Variants in FLNA observed in about 807,000 individuals in gnomAD.
The protein encoded by FLNA is filamin-A.
Under a neutral mutation model 157.6 loss-of-function variants are expected in FLNA, and 7 were observed. The ratio of observed to expected loss-of-function variants is 0.04; its 90% CI spans 0.03 to 0.08. FLNA has a LOEUF of 0.08. FLNA is among the 10% of genes least tolerant of loss of function. The pLI is 1.00. For synonymous variants in FLNA, 1,103 were observed against 1,060.8 expected (o/e 1.04, Z -0.77); for missense variants, 1,750 against 2,398.4 (o/e 0.73, Z 5.65).
chrX:154,351,537 CG>C, intron 43 of FLNA, 43 bp downstream of exon 43: 1 of 940,577 alleles, frequency 1.1e-6, no homozygotes, highest in Admixed American at 2.2e-5. Flanking sequence ...CTGGTCTGTC[CG>C]GGCCCAGGAG....
intron 2 of FLNA, 21 bp downstream of exon 2, chrX:154,370,852 G>A (rs1557180166): frequency 8.3e-7 from 1 of 1,207,082 alleles, no homozygotes; most frequent in Admixed American, 2.2e-5. Context: ...CGCCCGCCCG[G>A]CGCTTCGGGG....
At position 154,351,921 on chromosome X, in the gene FLNA, G is replaced by A. The variant is rs782651736; in HGVS notation, c.6870C>T (p.Asp2290=). The stretch of plus-strand genomic sequence containing the variant: ...CCACATAAGCCACACCACAGGAGCC[G>A]TCCTTGCGGTCCTCAAAAGAGATCT... ...KAEISFEDRK[D]GSCGVAYVVQ... The change falls in exon 42 of 48, where the codon GAC becomes GAT. Residue 2290 remains aspartate (D), a synonymous_variant. Coordinates refer to ENST00000369850, the MANE Select transcript of FLNA (RefSeq NM_001110556.2). 1.9e-4 allele frequency: 225 copies of A among 1,210,092 alleles called. 1 individual carries two copies. Among genetic ancestry groups the A allele is most frequent in the African/African-American group, 7.0e-5 (4 of 57,341 alleles).
Position 154,366,044 on chromosome X carries a change from T to C in FLNA, c.1409A>G (p.Tyr470Cys). ...CCTACCTTGGCCAACAGTGACAGTGTAGGGGCTGCGAGGGATGGGCACGCC... is the reference window on the plus strand; with the variant it reads ...CCTACCTTGGCCAACAGTGACAGTGCAGGGGCTGCGAGGGATGGGCACGCC... Reference protein sequence around the residue: ...FAGVPIPRSPYTVTVGQACNP... With the variant: ...FAGVPIPRSPCTVTVGQACNP... The change falls in exon 9 of 48, where the codon TAC (tyrosine) becomes TGC (cysteine). Residue 470 changes from tyrosine (Y) to cysteine (C), a missense_variant. Tyr to Cys is a radical substitution (Grantham distance 194). Coordinates refer to ENST00000369850, the MANE Select transcript of FLNA (RefSeq NM_001110556.2). 1 of 1,207,168 alleles carries C rather than the reference T, an allele frequency of 8.3e-7. No individual in the cohort carries two copies. The highest frequency in any genetic ancestry group is 1.8e-5 in the South Asian group (1 of 56,879).
At position 154,360,148 on chromosome X, in the gene FLNA, G is replaced by A. The variant is rs781861717; in HGVS notation, c.3647C>T (p.Thr1216Met). 7.4e-6 allele frequency: 9 copies of A among 1,208,529 alleles called. No individual in the cohort carries two copies. The highest frequency in any genetic ancestry group is 2.3e-4 in the Middle Eastern group (1 of 4,367). The change falls in exon 22 of 48, where the codon ACG becomes ATG. Residue 1216 changes from threonine (T) to methionine (M), a missense_variant. By Grantham distance (81) the Thr-to-Met change is moderately conservative. Coordinates refer to ENST00000369850, the MANE Select transcript of FLNA (RefSeq NM_001110556.2). ...EVYIQDHGDG[T>M]HTITYIPLCP... ...GAGGGGAATGTAGGTAATGGTGTGC[G>A]TGCCATCACCGTGGTCCTGGATGTA...
chrX:154,364,474 C>A, intron 13 of FLNA, 52 bp downstream of exon 13: 1 of 1,197,837 alleles, frequency 8.3e-7, no homozygotes, highest in Admixed American at 2.2e-5. Context: ...CCCACCAGAC[C>A]CCAAGCAGGA....
chrX:154,365,043 G>GC, intron 11 of FLNA, 86 bp from the exon 12 acceptor site: 20 of 1,200,672 alleles, frequency 1.7e-5, no homozygotes, highest in Non-Finnish European at 2.1e-5. Flanking sequence ...GGCAGGAAGA[G>GC]CCCATGTGGC....
Position 154,362,299 on chromosome X carries a change from C to G in FLNA, c.2599G>C (p.Glu867Gln). 1 of 1,211,524 alleles carries G rather than the reference C, an allele frequency of 8.3e-7. No homozygotes were observed. Among genetic ancestry groups the G allele is most frequent in the Non-Finnish European group, 1.1e-6 (1 of 895,498 alleles). Residue 867 changes from glutamate to glutamine, a missense_variant, in exon 18 of 48, where the codon GAG becomes CAG. Around this residue, in one of 5 missense-constraint regions of FLNA, gnomAD observed 648 missense variants for 805.8 expected, o/e 0.80. Transcript: ENST00000369850. Reference sequence around the variant, plus strand: ...ACCTTACTGGCGTCATGAGAGGGCTCCACCTTGACTCGGATGGGGCTGGTG... The same window carrying G: ...ACCTTACTGGCGTCATGAGAGGGCTGCACCTTGACTCGGATGGGGCTGGTG... ...TPTSPIRVKV[E>Q]PSHDASKVKA...
chrX:154,371,928 G>A (rs1404542169), intron 1 of FLNA, among the ~76,000 whole-genome samples: 2 of 113,747 alleles, frequency 1.8e-5, no homozygotes, highest in Non-Finnish European at 3.8e-5. Flanking sequence ...CACTGCCGAG[G>A]GCGCTTTGTG....
Position 154,366,598 on chromosome X carries a change from G to C in FLNA, c.1029C>G (p.Ser343=). 1 of 1,211,946 alleles carries C rather than the reference G, an allele frequency of 8.3e-7. No homozygotes were observed. Among genetic ancestry groups the C allele is most frequent in the South Asian group, 1.8e-5 (1 of 57,023 alleles). Reference sequence around the variant, plus strand: ...CCGTCACCTCGGGGACGTACCAGACGGAGAAGGTGCGGTTCTTGTCGTTAT... The same window carrying C: ...CCGTCACCTCGGGGACGTACCAGACCGAGAAGGTGCGGTTCTTGTCGTTAT... ...TANNDKNRTF[S]VWYVPEVTGT... The change falls in exon 7 of 48, where the codon TCC becomes TCG. Residue 343 remains serine (S), a synonymous_variant. Coordinates refer to ENST00000369850, the MANE Select transcript of FLNA (RefSeq NM_001110556.2).
At chrX:154,370,693 G>GGCCA (rs1206643157) in intron 2 of FLNA, among the ~76,000 whole-genome samples, 180 bp downstream of exon 2, 2 of 112,899 alleles carry the variant, frequency 1.8e-5, no homozygotes, top group African/African-American at 6.4e-5. Context: ...ACGCCCGGCC[G>GGCCA]GCCAGCCAGC....
intron 19 of FLNA, 42 bp from the exon 20 acceptor site, chrX:154,361,829 A>G (rs782364400): frequency 4.4e-6 from 5 of 1,125,053 alleles, no homozygotes; most frequent in Non-Finnish European, 6.1e-6. Flanking sequence ...TAGAGACACC[A>G]GAATTGCTCC....
Position 154,364,252 on chromosome X carries a change from G to C in FLNA, c.2136+7C>G. On this transcript the variant is annotated splice_region_variant and intron_variant, in intron 14 of 47. Transcript: ENST00000369850. ...TGCCCTGCCCCCAACACCCGTGGGTGCTCTACCTGGACTTGGACCCGAAGT... is the reference window on the plus strand; with the variant it reads ...TGCCCTGCCCCCAACACCCGTGGGTCCTCTACCTGGACTTGGACCCGAAGT... 1 of 1,209,630 alleles carries C rather than the reference G, an allele frequency of 8.3e-7. No individual in the cohort carries two copies. The highest frequency in any genetic ancestry group is 1.8e-5 in the South Asian group (1 of 56,976).
In FLNA at chrX:154,359,994, G is replaced by A. The variant is rs1324902589; in HGVS notation, c.3801C>T (p.Gly1267=). The A allele has an allele frequency of 5.8e-6, 7 of 1,207,129 alleles. No homozygotes were observed. The African/African-American group carries it at 7.0e-5, about 12-fold the overall frequency. ...GVQCYGPGIE[G]QGVFREATTE... ...CCCCACGGCAGGGCAACTCACCCTG[G>A]CCCTCAATACCAGGCCCATAGCACT... Residue 1267 remains glycine, a synonymous_variant, in exon 22 of 48, where the codon GGC becomes GGT. Transcript: ENST00000369850.
At chrX:154,363,871 G>A (rs1557178573) in intron 15 of FLNA, 151 bp downstream of exon 15, 1 of 600,941 alleles carries the variant, frequency 1.7e-6, no homozygotes, top group East Asian at 3.3e-5. Flanking sequence ...GTCCAGGATA[G>A]GCAAAGCCAC....
Position 154,349,472 on chromosome X carries a change from G to T in FLNA, c.7646C>A (p.Ala2549Asp), listed in dbSNP as rs1557175286. 3 of 1,212,045 alleles carry T rather than the reference G, an allele frequency of 2.5e-6. No homozygotes were observed. The South Asian group carries it at 5.3e-5, about 21-fold the overall frequency. ...TKATCAPQHG[A>D]PGPGPADASK... ...GGCGTCAGCAGGCCCAGGACCCGGG[G>T]CCCCATGCTGGGGGGCACAGGTGGC... Residue 2549 changes from alanine to aspartate, a missense_variant, in exon 47 of 48, where the codon GCC becomes GAC. Physicochemically the swap from Ala to Asp is moderately radical, Grantham distance 126 (BLOSUM62 -2). Transcript: ENST00000369850.
intron 39 of FLNA, 33 bp from the exon 40 acceptor site, chrX:154,352,708 A>G: frequency 1.7e-6 from 2 of 1,211,870 alleles, no homozygotes; most frequent in African/African-American, 1.7e-5. Context: ...ACGCCCCTCC[A>G]GTCACATACT....
At chrX:154,366,001 A>AGG in intron 9 of FLNA, 23 bp downstream of exon 9, 3 of 1,174,166 alleles carry the variant, frequency 2.6e-6, no homozygotes, top group Non-Finnish European at 3.4e-6. Context: ...GCCACAGCAG[A>AGG]GGGCAGTCAG....
In FLNA at chrX:154,349,629, T is replaced by C. The variant is rs1157444955; in HGVS notation, c.7552+20A>G. The stretch of plus-strand genomic sequence containing the variant: ...GTGCCGGGCGTTGGGCAGATGCCAA[T>C]AGCTTGGCCCCAGGCTCACCTGTGA... On this transcript the variant is annotated intron_variant, in intron 46 of 47. Transcript: ENST00000369850. 1.7e-6 allele frequency: 2 copies of C among 1,208,780 alleles called. No individual in the cohort carries two copies. Among genetic ancestry groups the C allele is most frequent in the Admixed American group, 2.2e-5 (1 of 46,034 alleles).
In FLNA at chrX:154,371,374, CGA is replaced by C; in HGVS notation, c.-116-15_-116-14del. ...AGCAGAGGTTGCGCTGCGGAGAGAG[CGA>C]GCCCTTTAAATGCGGGAGGAGGGCG... On this transcript the variant is annotated splice_polypyrimidine_tract_variant and intron_variant, in intron 1 of 47. Transcript: ENST00000369850. 1 of 878,354 alleles carries C rather than the reference CGA, an allele frequency of 1.1e-6. No individual in the cohort carries two copies. The highest frequency in any genetic ancestry group is 1.6e-6 in the Non-Finnish European group (1 of 643,345). The allele number at this position is 878,354 out of a possible 1,213,427, so 72.4% of individuals were successfully genotyped here.
Sources: allele counts gnomAD v4.1 joint callset (sites outside exome capture counted in the v4.1 genomes callset), GRCh38; gene constraint gnomAD v4.1.1; regional missense constraint gnomAD v4.1.1; transcripts MANE v1.5; gene names NCBI Gene and HGNC (gene_info 2026-07-23, HGNC 2026-07-21).